Variants in HMGXB3 observed in about 807,000 individuals in gnomAD.
The protein encoded by HMGXB3 is HMG-box containing 3.
Under a neutral mutation model 121.5 loss-of-function variants are expected in HMGXB3, and 45 were observed. The observed-to-expected ratio is 0.37, with a 90% confidence interval of 0.29 to 0.47. HMGXB3 has a LOEUF of 0.47. Ranked by LOEUF, HMGXB3 falls within the 20% of genes least tolerant of loss-of-function variation. The pLI is 0.99. For synonymous variants in HMGXB3, 590 were observed against 624.1 expected (o/e 0.95, Z 0.81); for missense variants, 1,376 against 1,602.2 (o/e 0.86, Z 2.41).
chr5:150,006,451 G>T (rs1406201511), intron 2 of HMGXB3, 22 bp from the exon 3 acceptor site: 1 of 1,543,702 alleles, frequency 6.5e-7, no homozygotes, highest in Admixed American at 2.0e-5. Flanking sequence ...GGGAAAGCCT[G>T]AAGAAGTCAT....
At chr5:150,048,428 G>T in intron 17 of HMGXB3, 141 bp from the exon 18 acceptor site, 1 of 597,830 alleles carries the variant, frequency 1.7e-6, no homozygotes. Flanking sequence ...AGGAGGTTGG[G>T]CTGATGAGGC....
chr5:150,004,777 T>G, intron 1 of HMGXB3, 74 bp from the exon 2 acceptor site: 1 of 1,000,540 alleles, frequency 1.0e-6, no homozygotes, highest in Non-Finnish European at 1.5e-6. Flanking sequence ...AGGTAAGGGG[T>G]TATTTGATCA....
Position 150,048,515 on chromosome 5 carries a change from C to T in HMGXB3, c.3085-54C>T. 5 of 1,177,294 alleles carry T rather than the reference C, an allele frequency of 4.2e-6. No homozygotes were observed. In the South Asian group the frequency reaches 6.6e-5, roughly 15 times the overall value. The allele number at this position is 1,177,294 out of a possible 1,614,324, so 72.9% of individuals were successfully genotyped here. On this transcript the variant is annotated intron_variant, in intron 17 of 19. Transcript: ENST00000502717. Reference sequence around the variant, plus strand: ...GTGAGTGTGTGATGCTGAGCACCAGCCGTGGTCCCTTAGCATTCGCCCTTA... The same window carrying T: ...GTGAGTGTGTGATGCTGAGCACCAGTCGTGGTCCCTTAGCATTCGCCCTTA...
At chr5:150,006,153 A>G (rs765634927) in intron 2 of HMGXB3, among the ~76,000 whole-genome samples, 8 of 152,176 alleles carry the variant, frequency 5.3e-5, no homozygotes, top group Non-Finnish European at 1.0e-4. Flanking sequence ...ATGAGTTTTT[A>G]TATTACAAAT....
At chr5:150,012,503 CA>C (rs1405226454) in intron 5 of HMGXB3, 150 bp downstream of exon 5, 12 of 630,800 alleles carry the variant, frequency 1.9e-5, no homozygotes, top group Non-Finnish European at 3.1e-5. Flanking sequence ...CGAGGACTGG[CA>C]AAGATTTCAG....
intron 9 of HMGXB3, chr5:150,030,435 A>G (rs181449742): frequency 4.9e-5 from 11 of 222,280 alleles, no homozygotes; most frequent in East Asian, 1.0e-4. Context: ...TTGTTCAACC[A>G]TGTATTTATA....
intron 6 of HMGXB3, 126 bp downstream of exon 6, chr5:150,018,823 T>A: frequency 2.3e-6 from 2 of 880,812 alleles, no homozygotes; most frequent in East Asian, 5.5e-5. Flanking sequence ...AAGTAAATCA[T>A]TTCCATTGTA....
In HMGXB3 at chr5:150,037,517, C is replaced by CGACCACCGAG; in HGVS notation, c.2403_2404insGACCACCGAG (p.Ile802AspfsTer10). 6.7e-7 allele frequency: 1 copy of CGACCACCGAG among 1,498,386 alleles called. No individual in the cohort carries two copies. The highest frequency in any genetic ancestry group is 2.5e-5 in the East Asian group (1 of 39,272). 92.8% of individuals were successfully genotyped at this position (1,498,386 alleles called of 1,614,324 possible). The stretch of plus-strand genomic sequence containing the variant: ...GTCTGGCCCTGCACAGCTTCATAGA[C>CGACCACCGAG]ATCTACACAGGTGGGTGCCAACCTT... On this transcript the variant is annotated frameshift_variant, in exon 13 of 20. Coordinates refer to ENST00000502717, the MANE Select transcript of HMGXB3 (RefSeq NM_014983.3). LOFTEE classifies it high-confidence loss of function.
chr5:150,040,402 T>C (rs1017272488), intron 13 of HMGXB3, among the ~76,000 whole-genome samples: 13 of 152,272 alleles, frequency 8.5e-5, no homozygotes, highest in East Asian at 3.9e-4. Context: ...GATATATAAC[T>C]TGAATAAAAT....
intron 13 of HMGXB3, among the ~76,000 whole-genome samples, chr5:150,040,446 T>G (rs550003395): frequency 1.3e-5 from 2 of 152,196 alleles, no homozygotes; most frequent in Non-Finnish European, 2.9e-5. Flanking sequence ...TCCAGGCTGG[T>G]CTTGAACTCC....
intron 10 of HMGXB3, among the ~76,000 whole-genome samples, chr5:150,031,867 T>C (rs1756390413): frequency 6.6e-6 from 1 of 152,156 alleles, no homozygotes; most frequent in Non-Finnish European, 1.5e-5. Flanking sequence ...GTGTCTCTTA[T>C]CCTGGAGATC....
intron 9 of HMGXB3, 37 bp from the exon 10 acceptor site, chr5:150,030,704 G>C (rs1756351885): frequency 6.8e-7 from 1 of 1,478,772 alleles, no homozygotes; most frequent in Non-Finnish European, 9.3e-7. Context: ...GTTTGGCTAA[G>C]GTTCAAAAGC....
Position 150,014,848 on chromosome 5 carries a change from G to A in HMGXB3, c.909+2495G>A, listed in dbSNP as rs182086329. ...TATTTCCCAGGGATTAAAACTACCT[G>A]GTCTTCCCAAACACTGGAGCAATTT... is the stretch of plus-strand genomic sequence containing the variant. On this transcript the variant is annotated intron_variant, in intron 5 of 19. Transcript: ENST00000502717. 4.2e-4 allele frequency: 207 copies of A among 498,326 alleles called. 2 individuals are homozygous for A. The East Asian group carries it at 7.7e-3, about 18-fold the overall frequency. The allele number at this position is 498,326 out of a possible 1,614,324, so 30.9% of individuals were successfully genotyped here. A position where few individuals can be genotyped will look rare whatever the true frequency, so the allele number is the denominator to read the frequency against.
intron 3 of HMGXB3, among the ~76,000 whole-genome samples, chr5:150,007,355 C>G (rs561547525): frequency 6.6e-6 from 1 of 152,238 alleles, no homozygotes; most frequent in Admixed American, 6.5e-5. Context: ...ATGGCATAAA[C>G]TGCTGTTTTT....
chr5:150,032,573 A>G lies in HMGXB3; in HGVS notation c.1953A>G (p.Lys651=). The change falls in exon 11 of 20, where the codon AAA becomes AAG. Residue 651 remains lysine (K), a synonymous_variant. Coordinates refer to ENST00000502717, the MANE Select transcript of HMGXB3 (RefSeq NM_014983.3). ...ICPSCGVNLA[K]DRTEKTTKAI... is the part of the protein sequence containing the mutation. ...CCAGCTGTGGTGTTAACCTTGCCAA[A>G]GACCGGACTGAGAAAACCACCAAGG... is the stretch of plus-strand genomic sequence containing the variant. The G allele has an allele frequency of 2.6e-6, 4 of 1,552,314 alleles. No individual in the cohort carries two copies. Among genetic ancestry groups the G allele is most frequent in the Non-Finnish European group, 3.5e-6 (4 of 1,147,114 alleles).
At chr5:150,045,300 G>A (rs191894228) in intron 15 of HMGXB3, among the ~76,000 whole-genome samples, 166 bp from the exon 16 acceptor site, 2 of 152,342 alleles carry the variant, frequency 1.3e-5, no homozygotes, top group African/African-American at 2.4e-5. Context: ...CCAAAAGGCA[G>A]GTGGGTACAG....
chr5:150,045,335 G>T (rs1756732410), intron 15 of HMGXB3, 131 bp from the exon 16 acceptor site: 3 of 722,176 alleles, frequency 4.2e-6, no homozygotes, highest in South Asian at 3.5e-5. Flanking sequence ...AGGCCCTGTG[G>T]CAGTGCCTGG....
chr5:150,040,071 T>A (rs539864300), intron 13 of HMGXB3, among the ~76,000 whole-genome samples: 10 of 152,298 alleles, frequency 6.6e-5, no homozygotes, highest in Non-Finnish European at 1.0e-4. Flanking sequence ...GGTGAAGTTG[T>A]GTGAGGTGTA....
Position 150,018,567 on chromosome 5 carries a change from C to A in HMGXB3, c.911C>A (p.Thr304Asn), listed in dbSNP as rs964475904. The change falls in exon 6 of 20, where the codon ACC becomes AAC. Residue 304 changes from threonine to asparagine, a missense_variant and splice_region_variant. By Grantham distance (65) the Thr-to-Asn change is moderately conservative. Coordinates refer to ENST00000502717, the MANE Select transcript of HMGXB3 (RefSeq NM_014983.3). ...TTCTGATGTGCTCTTTATTTACAGA[C>A]CACTACATATACCCGCCGGGGCCAT... ...VVENPTSIKL[T>N]TTYTRRGHGT... 6.5e-7 allele frequency: 1 copy of A among 1,545,162 alleles called. No homozygotes were observed. Among genetic ancestry groups the A allele is most frequent in the Non-Finnish European group, 8.7e-7 (1 of 1,144,064 alleles).
Sources: gnomAD v4.1 joint callset for allele counts (sites outside exome capture counted in the v4.1 genomes callset) on GRCh38, gnomAD v4.1.1 for gene constraint, MANE v1.5 for transcripts, NCBI Gene and HGNC (gene_info 2026-07-23, HGNC 2026-07-21) for gene names.